MED13L: variants seen among roughly 807,000 people sequenced by gnomAD.
The protein encoded by MED13L is mediator complex subunit 13L.
MED13L carries 7 observed loss-of-function variants against 220.9 expected under a neutral mutation model. The observed-to-expected ratio is 0.03, with a 90% confidence interval of 0.02 to 0.06. MED13L has a LOEUF of 0.06. MED13L is among the 10% of genes least tolerant of loss of function. The pLI is 1.00. For synonymous variants in MED13L, 1,011 were observed against 1,015.2 expected (o/e 1.00, Z 0.08); for missense variants, 1,965 against 2,760.5 (o/e 0.71, Z 6.46).
intron 2 of MED13L, among the ~76,000 whole-genome samples, chr12:116,145,885 T>C (rs1185613754): frequency 1.3e-5 from 2 of 151,864 alleles, no homozygotes; most frequent in Admixed American, 6.6e-5. Context: ...TCCCCACACA[T>C]AGAGGCATGC....
chr12:116,261,920 C>T (rs1434404889), intron 1 of MED13L, among the ~76,000 whole-genome samples: 1 of 152,150 alleles, frequency 6.6e-6, no homozygotes, highest in African/African-American at 2.4e-5. Context: ...CTTCTTCCTG[C>T]CTTTGGTTTT....
intron 2 of MED13L, among the ~76,000 whole-genome samples, chr12:116,144,927 C>T (rs566892412): frequency 6.6e-6 from 1 of 152,348 alleles, no homozygotes; most frequent in East Asian, 1.9e-4. Context: ...GTTTCTGTCC[C>T]ATGGTTGCTC....
At chr12:116,053,258 T>C (rs931356072) in intron 4 of MED13L, among the ~76,000 whole-genome samples, 8 of 152,164 alleles carry the variant, frequency 5.3e-5, no homozygotes, top group African/African-American at 1.9e-4. Flanking sequence ...ATAATCCCTA[T>C]CCTTAAGGAA....
intron 2 of MED13L, among the ~76,000 whole-genome samples, chr12:116,221,675 GA>G (rs1271281769): frequency 6.6e-6 from 1 of 152,040 alleles, no homozygotes; most frequent in Non-Finnish European, 1.5e-5. Context: ...TGTGGAAAAG[GA>G]AACAGGTTTA....
chr12:115,998,532 TCTAACAGGGAAGGCAGGG>T (rs1202303583), intron 14 of MED13L, among the ~76,000 whole-genome samples: 1 of 152,192 alleles, frequency 6.6e-6, no homozygotes, highest in Non-Finnish European at 1.5e-5. Context: ...GGTTCCTTCA[TCTAACAGGGAAGGCAGGG>T]CTAGATGGAT....
Position 116,188,979 on chromosome 12 carries a change from T to C in MED13L, c.310+48489A>G, listed in dbSNP as rs562958389. On this transcript the variant is annotated intron_variant, in intron 2 of 30. Transcript: ENST00000281928. ...TTCATCTGCTGAAGGAGACCTGGGCTGTTTCCAGTTTAGGCTTTTACAAAT... is the reference window on the plus strand; with the variant it reads ...TTCATCTGCTGAAGGAGACCTGGGCCGTTTCCAGTTTAGGCTTTTACAAAT... 3.9e-5 allele frequency among the ~76,000 whole-genome samples: 6 copies of C among 152,336 alleles called. No homozygotes were observed. The South Asian group carries it at 1.0e-3, about 26-fold the overall frequency.
chr12:116,001,915 C>T (rs748175439), intron 14 of MED13L, among the ~76,000 whole-genome samples: 1 of 152,208 alleles, frequency 6.6e-6, no homozygotes, highest in Admixed American at 6.5e-5. Context: ...AAAGCCTTGG[C>T]TGAGTTATCA....
intron 2 of MED13L, among the ~76,000 whole-genome samples, chr12:116,225,389 C>T (rs965159160): frequency 2.0e-5 from 3 of 152,142 alleles, no homozygotes; most frequent in Non-Finnish European, 4.4e-5. Context: ...ACCTCTGCTA[C>T]CCAAATCAAG....
chr12:115,974,658 AT>A (rs1378560630), intron 25 of MED13L, among the ~76,000 whole-genome samples: 1 of 152,244 alleles, frequency 6.6e-6, no homozygotes, highest in African/African-American at 2.4e-5. Context: ...GCTCAAGAAC[AT>A]CAGACAGTGG....
intron 4 of MED13L, among the ~76,000 whole-genome samples, chr12:116,054,926 T>C (rs1868822566): frequency 1.3e-5 from 2 of 152,146 alleles, no homozygotes; most frequent in South Asian, 4.1e-4. Flanking sequence ...AAAGTAATAA[T>C]AAATCAATGT....
chr12:116,166,256 G>A (rs1038060844), intron 2 of MED13L, among the ~76,000 whole-genome samples: 1 of 151,958 alleles, frequency 6.6e-6, no homozygotes, highest in African/African-American at 2.4e-5. Context: ...ATTAATCCTG[G>A]GTGTGTCTGT....
At chr12:116,066,152 T>A (rs929121083) in intron 4 of MED13L, among the ~76,000 whole-genome samples, 2 of 152,178 alleles carry the variant, frequency 1.3e-5, no homozygotes, top group Non-Finnish European at 2.9e-5. Flanking sequence ...GAGTTCCATT[T>A]CCTTCTAAAT....
intron 26 of MED13L, among the ~76,000 whole-genome samples, chr12:115,971,437 C>T (rs1876576782): frequency 6.6e-6 from 1 of 152,126 alleles, no homozygotes; most frequent in Non-Finnish European, 1.5e-5. Flanking sequence ...TGGGGAAGGT[C>T]CCCCATTTGA....
chr12:116,101,610 T>C (rs1437234615), intron 3 of MED13L, among the ~76,000 whole-genome samples: 2 of 152,218 alleles, frequency 1.3e-5, no homozygotes, highest in Non-Finnish European at 2.9e-5. Context: ...TCATAGTAGA[T>C]TCATAGACAC....
chr12:116,236,973 T>C, intron 2 of MED13L: 1 of 547,992 alleles, frequency 1.8e-6, no homozygotes, highest in Non-Finnish European at 2.3e-6. Context: ...ATCCCATATA[T>C]TCATCTTTCC....
chr12:116,140,091 C>T (rs372593788), intron 2 of MED13L, among the ~76,000 whole-genome samples: 1 of 151,822 alleles, frequency 6.6e-6, no homozygotes, highest in Non-Finnish European at 1.5e-5. Flanking sequence ...TATAACTCAC[C>T]TAGGAACAAA....
intron 2 of MED13L, among the ~76,000 whole-genome samples, chr12:116,113,644 G>A (rs1180212641): frequency 2.0e-5 from 3 of 147,846 alleles, no homozygotes; most frequent in Non-Finnish European, 3.0e-5. Flanking sequence ...GCGTGACAGA[G>A]TGAAAGCCTG....
chr12:116,163,544 T>C (rs1302646368), intron 2 of MED13L, among the ~76,000 whole-genome samples: 1 of 151,990 alleles, frequency 6.6e-6, no homozygotes, highest in Non-Finnish European at 1.5e-5. Context: ...TTTGTACTTT[T>C]AGTAGAGACA....
chr12:116,020,549 G>A (rs1408095765), intron 5 of MED13L, among the ~76,000 whole-genome samples: 1 of 152,182 alleles, frequency 6.6e-6, no homozygotes, highest in African/African-American at 2.4e-5. Context: ...AAGTTTTAAT[G>A]TACAAAAGCT....
Sources: gnomAD v4.1 joint callset for allele counts (sites outside exome capture counted in the v4.1 genomes callset) on GRCh38, gnomAD v4.1.1 for gene constraint, MANE v1.5 for transcripts, NCBI Gene and HGNC (gene_info 2026-07-23, HGNC 2026-07-21) for gene names.